AGAP1: variants seen among roughly 807,000 people sequenced by gnomAD.
AGAP1 encodes the protein ArfGAP with GTPase domain, ankyrin repeat and PH domain 1, also known as arf-GAP with GTPase, ANK repeat and PH domain-containing protein 1.
A neutral mutation model predicts 105.3 loss-of-function variants in AGAP1; 29 were observed. That is an observed-to-expected ratio of 0.28 (90% confidence interval 0.21 to 0.38). The LOEUF (loss-of-function observed/expected upper bound fraction) is 0.38. Among genes scored for constraint, AGAP1 ranks in the 10% least tolerant of loss-of-function variants. The pLI is 1.00. For missense variants in AGAP1, 998 were observed against 1,165.1 expected (o/e 0.86, Z 2.09); for synonymous variants, 509 against 485.9 (o/e 1.05, Z -0.63).
At chr2:236,016,381 C>CTTT (rs151088125) in intron 13 of AGAP1, among the ~76,000 whole-genome samples, 1 of 114,676 alleles carries the variant, frequency 8.7e-6, no homozygotes, top group Non-Finnish European at 1.8e-5. Context: ...GTTGGGTTTG[C>CTTT]TTTTTTTTTT....
rs1015155347 is a variant in AGAP1, at chr2:235,783,307, T to G, written c.674-14452T>G. The stretch of plus-strand genomic sequence containing the variant: ...TAACCTTTTACCTATAGCTAACATT[T>G]ACATACCTCAGGTCAAATAAATTTA... On this transcript the variant is annotated intron_variant, in intron 6 of 17. Coordinates refer to ENST00000304032, the MANE Select transcript of AGAP1 (RefSeq NM_001037131.3). 19 of 469,912 alleles carry G rather than the reference T, an allele frequency of 4.0e-5. No individual in the cohort carries two copies. In the Middle Eastern group the frequency reaches 9.8e-4, roughly 24 times the overall value. 29.1% of individuals were successfully genotyped at this position (469,912 alleles called of 1,614,324 possible).
rs1161937494 is a variant in AGAP1, at chr2:235,988,660, G to A, written c.1645+20037G>A. ...TTCCTGTAACTTTCCAGTAATGAGGGGGCCCAGTGGGTAAATGGAATCTTA... is the reference window on the plus strand; with the variant it reads ...TTCCTGTAACTTTCCAGTAATGAGGAGGCCCAGTGGGTAAATGGAATCTTA... On this transcript the variant is annotated intron_variant, in intron 13 of 17. Coordinates refer to ENST00000304032, the MANE Select transcript of AGAP1 (RefSeq NM_001037131.3). The surrounding 1 kb of genome is among the most constrained non-coding windows in gnomAD (Gnocchi z 4.7). Among the ~76,000 whole-genome samples, 3 of 152,052 alleles carry A rather than the reference G, an allele frequency of 2.0e-5. No individual in the cohort carries two copies. Among genetic ancestry groups the A allele is most frequent in the Admixed American group, 6.6e-5 (1 of 15,260 alleles).
At chr2:235,562,030 A>G (rs1189603375) in intron 1 of AGAP1, among the ~76,000 whole-genome samples, 1 of 152,194 alleles carries the variant, frequency 6.6e-6, no homozygotes, top group East Asian at 1.9e-4. Flanking sequence ...ACACATCTTA[A>G]CAAATGATGG....
chr2:235,611,971 G>A lies in AGAP1; in HGVS notation c.164-97208G>A, dbSNP rs1559288359. 6.6e-6 allele frequency among the ~76,000 whole-genome samples: 1 copy of A among 152,138 alleles called. No individual in the cohort carries two copies. Among genetic ancestry groups the A allele is most frequent in the Non-Finnish European group, 1.5e-5 (1 of 68,022 alleles). On this transcript the variant is annotated intron_variant, in intron 1 of 17. Coordinates refer to ENST00000304032, the MANE Select transcript of AGAP1 (RefSeq NM_001037131.3). This position sits in a 1 kb window ranked among gnomAD's most constrained non-coding sequence, Gnocchi z 5.0. The stretch of plus-strand genomic sequence containing the variant: ...CATCCTAGGTGGCGGTCACAAACCC[G>A]GCCCAGCGGCCTCCCTGCTAGGCAG...
intron 11 of AGAP1, among the ~76,000 whole-genome samples, chr2:235,909,429 A>G (rs963895890): frequency 2.0e-5 from 3 of 152,166 alleles, no homozygotes; most frequent in East Asian, 1.9e-4. Context: ...AGGATCAGAG[A>G]AAGCTGTATT....
Position 235,787,480 on chromosome 2 carries a change from C to A in AGAP1, c.674-10279C>A, listed in dbSNP as rs892191100. ...ATCCCACATGCTGCCACTTATCTAA[C>A]ACATTGGGAGAGAAAGGTGCAGACA... On this transcript the variant is annotated intron_variant, in intron 6 of 17. Coordinates refer to ENST00000304032, the MANE Select transcript of AGAP1 (RefSeq NM_001037131.3). The surrounding 1 kb of genome is among the most constrained non-coding windows in gnomAD (Gnocchi z 4.4). Among the ~76,000 whole-genome samples, 2 of 152,186 alleles carry A rather than the reference C, an allele frequency of 1.3e-5. No individual in the cohort carries two copies. Among genetic ancestry groups the A allele is most frequent in the African/African-American group, 4.8e-5 (2 of 41,454 alleles).
At position 235,961,024 on chromosome 2, in the gene AGAP1, C is replaced by CT. The variant is rs1352753975; in HGVS notation, c.1484-7435dup. On this transcript the variant is annotated intron_variant, in intron 12 of 17. Coordinates refer to ENST00000304032, the MANE Select transcript of AGAP1 (RefSeq NM_001037131.3). The surrounding 1 kb of genome is among the most constrained non-coding windows in gnomAD (Gnocchi z 5.9). Reference sequence around the variant, plus strand: ...CACAGAGGTTAGTTCTTTCATAAAACTTTATTACGTATCGAACCCCATTAC... The same window carrying CT: ...CACAGAGGTTAGTTCTTTCATAAAACTTTTATTACGTATCGAACCCCATTAC... Among the ~76,000 whole-genome samples the CT allele has an allele frequency of 7.2e-5, 11 of 152,226 alleles. No individual in the cohort carries two copies. The highest frequency in any genetic ancestry group is 5.9e-5 in the Non-Finnish European group (4 of 68,042).
At chr2:235,649,726 G>C (rs1171897897) in intron 1 of AGAP1, among the ~76,000 whole-genome samples, 1 of 152,158 alleles carries the variant, frequency 6.6e-6, no homozygotes, top group African/African-American at 2.4e-5. Flanking sequence ...TGCTTGTCTG[G>C]GACCTTGCCC....
In AGAP1 at chr2:235,494,103, G is replaced by T. The variant is rs1941200597; in HGVS notation, c.-584G>T. The T allele has an allele frequency of 6.9e-6, 1 of 145,800 alleles. No homozygotes were observed. The highest frequency in any genetic ancestry group is 6.8e-5 in the Admixed American group (1 of 14,660). The allele number at this position is 145,800 out of a possible 1,614,324, so 9.0% of individuals were successfully genotyped here. ...AGGCGGCGGGCGGCGCTCGGAGCGG[G>T]CTCCGCGGCTTGCAAGGCGCCTGCG... On this transcript the variant is annotated 5_prime_UTR_variant, in exon 1 of 18. Coordinates refer to ENST00000304032, the MANE Select transcript of AGAP1 (RefSeq NM_001037131.3).
intron 1 of AGAP1, among the ~76,000 whole-genome samples, chr2:235,688,882 G>A (rs1415632941): frequency 1.3e-5 from 2 of 152,188 alleles, no homozygotes; most frequent in Admixed American, 6.5e-5. Context: ...AACTGTGCCT[G>A]TGTTTAGACT....
chr2:235,765,406 C>G (rs6712556), intron 6 of AGAP1, among the ~76,000 whole-genome samples: 1 of 151,688 alleles, frequency 6.6e-6, no homozygotes, highest in East Asian at 1.9e-4. Flanking sequence ...CCCACAGGCC[C>G]GGCCCCTCCA....
chr2:235,512,835 G>A (rs1397477671), intron 1 of AGAP1, among the ~76,000 whole-genome samples: 1 of 152,188 alleles, frequency 6.6e-6, no homozygotes, highest in Admixed American at 6.5e-5. Flanking sequence ...TCCTCTCCAG[G>A]AAGTTGTTGA....
intron 10 of AGAP1, among the ~76,000 whole-genome samples, chr2:235,884,463 T>TGTTTGTTTG (rs1559605548): frequency 7.3e-5 from 11 of 150,052 alleles, no homozygotes; most frequent in African/African-American, 2.5e-4. Context: ...TTTTTTTTTT[T>TGTTTGTTTG]TTTTTTGAGA....
In AGAP1 at chr2:235,512,775, C is replaced by G. The variant is rs570699089; in HGVS notation, c.163+17926C>G. ...GCCTCTGCTCAGTGGCTCCTGGGTC[C>G]CTCCTGACCATGTAACCTTTGCGCC... On this transcript the variant is annotated intron_variant, in intron 1 of 17. Coordinates refer to ENST00000304032, the MANE Select transcript of AGAP1 (RefSeq NM_001037131.3). Among the ~76,000 whole-genome samples, 6 of 152,304 alleles carry G rather than the reference C, an allele frequency of 3.9e-5. No homozygotes were observed. In the South Asian group the frequency reaches 1.2e-3, roughly 32 times the overall value.
intron 1 of AGAP1, among the ~76,000 whole-genome samples, chr2:235,681,367 A>G (rs1010882525): frequency 6.6e-6 from 1 of 152,136 alleles, no homozygotes; most frequent in African/African-American, 2.4e-5. Flanking sequence ...AGGAGGAAGC[A>G]TGCACTAGAG....
intron 11 of AGAP1, among the ~76,000 whole-genome samples, chr2:235,925,083 A>T (rs937750158): frequency 6.6e-6 from 1 of 152,026 alleles, no homozygotes; most frequent in African/African-American, 2.4e-5. Flanking sequence ...TCACCCCCCA[A>T]AGTAGGCCAC....
intron 1 of AGAP1, among the ~76,000 whole-genome samples, chr2:235,531,163 C>T (rs1479417010): frequency 6.6e-6 from 1 of 152,210 alleles, no homozygotes; most frequent in South Asian, 2.1e-4. Context: ...AACTGATTCT[C>T]CTGGTCCAGT....
chr2:235,834,020 T>C (rs1181061550), intron 9 of AGAP1, among the ~76,000 whole-genome samples: 1 of 151,198 alleles, frequency 6.6e-6, no homozygotes, highest in Non-Finnish European at 1.5e-5. Context: ...TTAACTGTCA[T>C]CCTAGTTGAG....
chr2:235,567,448 A>G (rs916144814), intron 1 of AGAP1, among the ~76,000 whole-genome samples: 4 of 152,138 alleles, frequency 2.6e-5, no homozygotes, highest in Non-Finnish European at 5.9e-5. Flanking sequence ...TGCAAGCCCC[A>G]GTCACTGTCC....
Sources: allele counts gnomAD v4.1 joint callset (sites outside exome capture counted in the v4.1 genomes callset), GRCh38; gene constraint gnomAD v4.1.1; non-coding constraint Gnocchi (gnomAD v3.1); transcripts MANE v1.5; gene names NCBI Gene and HGNC (gene_info 2026-07-23, HGNC 2026-07-21).